INO80D: variants seen among roughly 807,000 people sequenced by gnomAD.
INO80D encodes INO80 complex subunit D.
A neutral mutation model predicts 87.6 loss-of-function variants in INO80D; 21 were observed. The ratio of observed to expected loss-of-function variants is 0.24; its 90% CI spans 0.17 to 0.35. The LOEUF (loss-of-function observed/expected upper bound fraction) is 0.35, where lower values mean the gene tolerates loss of function less well. Ranked by LOEUF, INO80D falls within the 10% of genes least tolerant of loss-of-function variation. The pLI is 1.00. For synonymous variants in INO80D, 440 were observed against 491.0 expected (o/e 0.90, Z 1.37); for missense variants, 982 against 1,280.7 (o/e 0.77, Z 3.56).
Position 206,064,748 on chromosome 2 carries a change from T to C in INO80D, c.-123-1504A>G, listed in dbSNP as rs372200692. Among the ~76,000 whole-genome samples the C allele has an allele frequency of 1.6e-4, 25 of 152,262 alleles. No individual in the cohort carries two copies. The East Asian group carries it at 3.3e-3, about 20-fold the overall frequency. ...TTCATTCTTGTAATACAAGACTACATTCCACCTGCCAGTAATGAAAGTAGA... is the reference window on the plus strand; with the variant it reads ...TTCATTCTTGTAATACAAGACTACACTCCACCTGCCAGTAATGAAAGTAGA... On this transcript the variant is annotated intron_variant, in intron 1 of 10. Transcript: ENST00000403263.
At chr2:206,066,259 A>C (rs1689813566) in intron 1 of INO80D, among the ~76,000 whole-genome samples, 1 of 152,136 alleles carries the variant, frequency 6.6e-6, no homozygotes, top group African/African-American at 2.4e-5. Context: ...ATGTCTCAAA[A>C]AAAAAATAAA....
intron 7 of INO80D, among the ~76,000 whole-genome samples, chr2:206,018,840 C>T (rs1241786904): frequency 2.6e-5 from 4 of 152,162 alleles, no homozygotes; most frequent in Non-Finnish European, 5.9e-5. Context: ...GAGGTCGAGG[C>T]TGCAGTGAGC....
At chr2:206,036,607 T>A (rs1688903033) in intron 5 of INO80D, among the ~76,000 whole-genome samples, 4 of 152,084 alleles carry the variant, frequency 2.6e-5, no homozygotes, top group Admixed American at 6.6e-5. Flanking sequence ...GAGCAAGGGA[T>A]AAAAGACTAC....
chr2:206,039,332 C>A lies in INO80D; in HGVS notation c.1073+7172G>T, dbSNP rs190701827. On this transcript the variant is annotated intron_variant, in intron 5 of 10. Coordinates refer to ENST00000403263, the MANE Select transcript of INO80D (RefSeq NM_017759.5). ...GAATCACTTGAACCCAGGAGGCAGACATTGCGGTGAGCCGAGATTGCGCCA... is the reference window on the plus strand; with the variant it reads ...GAATCACTTGAACCCAGGAGGCAGAAATTGCGGTGAGCCGAGATTGCGCCA... Among the ~76,000 whole-genome samples, 319 of 150,252 alleles carry A rather than the reference C, an allele frequency of 2.1e-3. 1 individual carries two copies. The highest frequency in any genetic ancestry group is 3.5e-3 in the Non-Finnish European group (239 of 67,374).
intron 3 of INO80D, among the ~76,000 whole-genome samples, chr2:206,057,598 T>C (rs572326221): frequency 4.9e-4 from 75 of 152,188 alleles, no homozygotes; most frequent in African/African-American, 1.7e-3. Context: ...GAAACTAAGC[T>C]TTACAGAAAT....
chr2:206,045,002 G>C (rs963965998), intron 5 of INO80D, among the ~76,000 whole-genome samples: 3 of 152,098 alleles, frequency 2.0e-5, no homozygotes, highest in Non-Finnish European at 4.4e-5. Context: ...TGGAACCTCA[G>C]TGTAAGAAAA....
At chr2:206,031,195 A>T (rs2105839324) in intron 5 of INO80D, among the ~76,000 whole-genome samples, 1 of 151,984 alleles carries the variant, frequency 6.6e-6, no homozygotes, top group East Asian at 1.9e-4. Flanking sequence ...CAGAGGTTGC[A>T]GTGAGCCAAG....
rs570677877 is a variant in INO80D, at chr2:206,064,964, T to C, written c.-123-1720A>G. Among the ~76,000 whole-genome samples the C allele has an allele frequency of 2.0e-5, 3 of 152,036 alleles. No individual in the cohort carries two copies. The East Asian group carries it at 5.8e-4, about 29-fold the overall frequency. On this transcript the variant is annotated intron_variant, in intron 1 of 10. Transcript: ENST00000403263. The stretch of plus-strand genomic sequence containing the variant: ...TTTCTCTTTTCACCTTATGAGAATG[T>C]AAGAAAAAAAAGTTGGACTAGAAAT...
At chr2:206,014,216 A>AATT (rs1688259004) in intron 8 of INO80D, among the ~76,000 whole-genome samples, 1 of 152,130 alleles carries the variant, frequency 6.6e-6, no homozygotes, top group Admixed American at 6.6e-5. Flanking sequence ...GTGGGAAAAT[A>AATT]ATTATTCAAC....
intron 1 of INO80D, among the ~76,000 whole-genome samples, chr2:206,066,132 C>T (rs143871321): frequency 0.011 from 1,737 of 152,136 alleles, 10 homozygotes; most frequent in South Asian, 0.018. Context: ...TGTTGGCATG[C>T]GCCTGTAGTC....
chr2:206,041,122 G>C (rs1689037261), intron 5 of INO80D, among the ~76,000 whole-genome samples: 2 of 152,088 alleles, frequency 1.3e-5, no homozygotes, highest in South Asian at 4.1e-4. Context: ...GCTATGAAAA[G>C]AGATAAAATA....
chr2:206,059,740 C>CGTGT (rs144579335), intron 3 of INO80D, among the ~76,000 whole-genome samples: 1 of 151,522 alleles, frequency 6.6e-6, no homozygotes, highest in African/African-American at 2.4e-5. Flanking sequence ...GAATCTACAC[C>CGTGT]GTGTGTGTGT....
At chr2:206,019,923 A>AG in intron 6 of INO80D, 78 bp from the exon 7 acceptor site, 1 of 921,198 alleles carries the variant, frequency 1.1e-6, no homozygotes, top group Non-Finnish European at 1.7e-6. Flanking sequence ...ATGATGTCAC[A>AG]ACTCTGTAAC....
chr2:206,024,881 G>C (rs529234589), intron 6 of INO80D, among the ~76,000 whole-genome samples: 1 of 151,826 alleles, frequency 6.6e-6, no homozygotes, highest in Non-Finnish European at 1.5e-5. Flanking sequence ...TCAGCCTCCC[G>C]AGTAGCTGGG....
At chr2:206,084,074 CTT>C (rs543296877) in intron 1 of INO80D, among the ~76,000 whole-genome samples, 16 of 143,408 alleles carry the variant, frequency 1.1e-4, no homozygotes, top group Non-Finnish European at 1.1e-4. Context: ...ATGTTTATCA[CTT>C]TTTTTTTTTT....
chr2:206,058,570 A>G (rs1209611460), intron 3 of INO80D, among the ~76,000 whole-genome samples: 4 of 151,606 alleles, frequency 2.6e-5, no homozygotes, highest in Admixed American at 2.6e-4. Context: ...CCCCATCTCT[A>G]CTAAAAATAC....
At chr2:206,013,164 T>G (rs993268995) in intron 8 of INO80D, among the ~76,000 whole-genome samples, 1 of 152,162 alleles carries the variant, frequency 6.6e-6, no homozygotes, top group Non-Finnish European at 1.5e-5. Flanking sequence ...TAATTCAGTC[T>G]TAGGTTTGCC....
Position 206,017,712 on chromosome 2 carries a change from T to A in INO80D, c.1510A>T (p.Thr504Ser), listed in dbSNP as rs1398952884. ...TTGGCATGTTCTTCACACAGAGGTGTCTGATGTGTAATGTCAAAAACTGGC... is the reference window on the plus strand; with the variant it reads ...TTGGCATGTTCTTCACACAGAGGTGACTGATGTGTAATGTCAAAAACTGGC... ...SVPVFDITHQ[T>S]PLCEEHAKKM... Residue 504 changes from threonine to serine, a missense_variant, in exon 8 of 11, where the codon ACA (threonine) becomes TCA (serine). Coordinates refer to ENST00000403263, the MANE Select transcript of INO80D (RefSeq NM_017759.5). The A allele has an allele frequency of 6.2e-7, 1 of 1,608,824 alleles. No homozygotes were observed. The highest frequency in any genetic ancestry group is 1.1e-5 in the South Asian group (1 of 89,632).
chr2:206,021,795 G>A (rs1384910016), intron 6 of INO80D, among the ~76,000 whole-genome samples: 1 of 151,506 alleles, frequency 6.6e-6, no homozygotes, highest in African/African-American at 2.4e-5. Flanking sequence ...TATATTTTTA[G>A]TAGAGACGTG....
Sources: allele counts gnomAD v4.1 joint callset (sites outside exome capture counted in the v4.1 genomes callset), GRCh38; gene constraint gnomAD v4.1.1; transcripts MANE v1.5; gene names NCBI Gene and HGNC (gene_info 2026-07-23, HGNC 2026-07-21).